ENTREP1: variants seen among roughly 807,000 people sequenced by gnomAD.
The protein encoded by ENTREP1 is Friedreich ataxia region gene X123.
the ENTREP1 span, among the ~76,000 whole-genome samples, chr9:69,338,152 T>C: frequency 6.6e-6 from 1 of 152,226 alleles, no homozygotes; most frequent in African/African-American, 2.4e-5. Flanking sequence ...AATAAATTTT[T>C]AGCATACCAT....
chr9:69,354,594 G>T, the ENTREP1 span, among the ~76,000 whole-genome samples: 3 of 152,164 alleles, frequency 2.0e-5, no homozygotes, highest in Admixed American at 2.0e-4. Context: ...TGAGTCCTTT[G>T]TTCCACTGAG....
the ENTREP1 span, among the ~76,000 whole-genome samples, chr9:69,333,127 CAT>C: frequency 1.7e-3 from 259 of 151,788 alleles, 1 homozygote; most frequent in African/African-American, 5.6e-3. Context: ...TACACATAGA[CAT>C]GTGTGTGTAG....
At chr9:69,385,763 CTTTTTT>C in the ENTREP1 span, 1,148 of 1,241,402 alleles carry the variant, frequency 9.2e-4, no homozygotes, top group Admixed American at 2.7e-3. Flanking sequence ...TGTTTCGCCT[CTTTTTT>C]TTTTTTTTTT....
At chr9:69,331,187 A>G in the ENTREP1 span, among the ~76,000 whole-genome samples, 1 of 152,230 alleles carries the variant, frequency 6.6e-6, no homozygotes, top group African/African-American at 2.4e-5. Flanking sequence ...GCTTATTTAC[A>G]AAGTAACACA....
At chr9:69,377,808 C>T in the ENTREP1 span, 1 of 1,498,400 alleles carries the variant, frequency 6.7e-7, no homozygotes, top group East Asian at 2.3e-5. Flanking sequence ...ACTGAAGTGT[C>T]TCCAGAACTC....
chr9:69,367,724 T>TACAC, the ENTREP1 span, among the ~76,000 whole-genome samples: 3 of 77,526 alleles, frequency 3.9e-5, no homozygotes, highest in African/African-American at 9.4e-5. Context: ...TACACATATA[T>TACAC]ATAAAAATAT....
the ENTREP1 span, among the ~76,000 whole-genome samples, chr9:69,363,738 C>T: frequency 3.9e-5 from 6 of 152,170 alleles, no homozygotes; most frequent in Non-Finnish European, 4.4e-5. Flanking sequence ...GTCTTCTTTC[C>T]GTCAGGGGTC....
At chr9:69,332,226 G>A in the ENTREP1 span, among the ~76,000 whole-genome samples, 2 of 152,238 alleles carry the variant, frequency 1.3e-5, no homozygotes, top group Non-Finnish European at 2.9e-5. Flanking sequence ...GGCTTGAAGA[G>A]AGGGAGAAGT....
chr9:69,354,259 T>A, the ENTREP1 span, among the ~76,000 whole-genome samples: 1 of 141,286 alleles, frequency 7.1e-6, no homozygotes, highest in Non-Finnish European at 1.5e-5. Flanking sequence ...GCAACATTTT[T>A]TTTTTTTTTT....
chr9:69,372,351 C>T, the ENTREP1 span, among the ~76,000 whole-genome samples: 7 of 152,162 alleles, frequency 4.6e-5, no homozygotes. Context: ...AGCTCCCCAT[C>T]CTCCAGCCCC....
chr9:69,337,416 G>T, the ENTREP1 span, among the ~76,000 whole-genome samples: 1 of 151,992 alleles, frequency 6.6e-6, no homozygotes, highest in East Asian at 1.9e-4. Flanking sequence ...GCATAGATTT[G>T]CTATATTATC....
chr9:69,340,694 T>TGC, the ENTREP1 span, among the ~76,000 whole-genome samples: 166 of 76,720 alleles, frequency 2.2e-3, no homozygotes, highest in Non-Finnish European at 3.8e-3. Flanking sequence ...TGTGTGTGTG[T>TGC]ATGTGTGTGT....
chr9:69,384,014 A>T, the ENTREP1 span: 4 of 1,608,414 alleles, frequency 2.5e-6, no homozygotes, highest in Non-Finnish European at 2.6e-6. Context: ...GGCTGCACAC[A>T]AGTGACTCAA....
chr9:69,388,345 C>T, the ENTREP1 span: 3 of 1,614,070 alleles, frequency 1.9e-6, no homozygotes, highest in South Asian at 1.1e-5. Flanking sequence ...CCTCTTGTAC[C>T]ATGACCCCAG....
At chr9:69,385,831 C>T in the ENTREP1 span, 1 of 1,586,296 alleles carries the variant, frequency 6.3e-7, no homozygotes, top group South Asian at 1.1e-5. Context: ...GAAGAAAATG[C>T]ATCCACCTCA....
At chr9:69,371,472 T>A in the ENTREP1 span, 1 of 1,427,764 alleles carries the variant, frequency 7.0e-7, no homozygotes, top group Non-Finnish European at 9.9e-7. Flanking sequence ...TATCTTTTAC[T>A]AACTGTCCAT....
At chr9:69,324,785 A>C in the ENTREP1 span, 1 of 984,512 alleles carries the variant, frequency 1.0e-6, no homozygotes, top group Non-Finnish European at 1.2e-6. Context: ...CCCCCTTCTC[A>C]CTAAAGCGCG....
the ENTREP1 span, among the ~76,000 whole-genome samples, chr9:69,348,182 ACAGCTCACTG>A: frequency 2.6e-5 from 4 of 152,132 alleles, no homozygotes; most frequent in Admixed American, 6.5e-5. Context: ...TGGCGCGGAC[ACAGCTCACTG>A]CAGCCTCGAC....
chr9:69,390,270 G>C, the ENTREP1 span, among the ~76,000 whole-genome samples: 1 of 152,146 alleles, frequency 6.6e-6, no homozygotes, highest in Non-Finnish European at 1.5e-5. Flanking sequence ...GGCTCAGAAT[G>C]GTACAAATGA....
Sources: gnomAD v4.1 joint callset for allele counts (sites outside exome capture counted in the v4.1 genomes callset) on GRCh38, gnomAD v4.1.1 for gene constraint, MANE v1.5 for transcripts, NCBI Gene and HGNC (gene_info 2026-07-23, HGNC 2026-07-21) for gene names.